Variants in KALRN observed in about 807,000 individuals in gnomAD.
KALRN encodes the protein kalirin.
Under a neutral mutation model 353.7 loss-of-function variants are expected in KALRN, and 70 were observed. The observed-to-expected ratio is 0.20, with a 90% CI of 0.16 to 0.24. The LOEUF is 0.24. Ranked by LOEUF, KALRN falls within the 10% of genes least tolerant of loss-of-function variation. The pLI is 1.00. For missense variants in KALRN, 2,791 were observed against 3,756.7 expected (o/e 0.74, Z 6.72); for synonymous variants, 1,391 against 1,434.8 (o/e 0.97, Z 0.69).
intron 1 of KALRN, among the ~76,000 whole-genome samples, chr3:124,065,632 TAAAAA>T (rs56298061): frequency 9.9e-5 from 13 of 131,690 alleles, no homozygotes; most frequent in Non-Finnish European, 1.4e-4. Context: ...ATTCCTTAGT[TAAAAA>T]AAAAAAAAAA....
chr3:124,563,258 A>G (rs1366726247), intron 34 of KALRN, among the ~76,000 whole-genome samples, 169 bp downstream of exon 34: 2 of 152,166 alleles, frequency 1.3e-5, no homozygotes, highest in South Asian at 2.1e-4. Context: ...CTTGGAGAGG[A>G]AGAGCTCCCG....
chr3:124,055,754 A>G (rs2149179394), intron 1 of KALRN, among the ~76,000 whole-genome samples: 1 of 152,294 alleles, frequency 6.6e-6, no homozygotes, highest in East Asian at 1.9e-4. Flanking sequence ...ATGGGATCTG[A>G]CTACAGAGAT....
chr3:124,277,954 T>C (rs1009961128), intron 5 of KALRN, among the ~76,000 whole-genome samples: 1 of 151,702 alleles, frequency 6.6e-6, no homozygotes, highest in Non-Finnish European at 1.5e-5. Context: ...TCTGCAGCAG[T>C]TGAGGTGAGC....
intron 11 of KALRN, among the ~76,000 whole-genome samples, chr3:124,392,402 C>G (rs1053045245): frequency 6.6e-6 from 1 of 152,074 alleles, no homozygotes; most frequent in Non-Finnish European, 1.5e-5. Context: ...TATTTGTAAT[C>G]TTTATCACAA....
intron 5 of KALRN, among the ~76,000 whole-genome samples, chr3:124,297,417 C>G (rs1403995006): frequency 6.6e-6 from 1 of 152,204 alleles, no homozygotes; most frequent in African/African-American, 2.4e-5. Flanking sequence ...CTTTTGCTGA[C>G]TTAGCCATTG....
chr3:124,310,620 T>C (rs777498763), intron 6 of KALRN, among the ~76,000 whole-genome samples: 4 of 152,198 alleles, frequency 2.6e-5, no homozygotes, highest in Non-Finnish European at 4.4e-5. Flanking sequence ...GTGTCTGTGG[T>C]CAACATATTT....
intron 57 of KALRN, among the ~76,000 whole-genome samples, chr3:124,702,385 A>C (rs2062383373): frequency 6.6e-6 from 1 of 152,198 alleles, no homozygotes; most frequent in South Asian, 2.1e-4. Context: ...AATTTTAGCT[A>C]TAGGTCCTGA....
At chr3:124,575,649 C>T (rs1247473393) in intron 34 of KALRN, among the ~76,000 whole-genome samples, 2 of 152,158 alleles carry the variant, frequency 1.3e-5, no homozygotes, top group African/African-American at 4.8e-5. Context: ...TTTTTGTAGG[C>T]TGTTAGGGAA....
chr3:124,294,832 G>T (rs1456339124), intron 5 of KALRN, among the ~76,000 whole-genome samples: 1 of 152,142 alleles, frequency 6.6e-6, no homozygotes, highest in African/African-American at 2.4e-5. Flanking sequence ...TGGAAAAAAT[G>T]CATTCTATAC....
rs2086904469 is a variant in KALRN, at chr3:124,674,387, G to A, written c.6966G>A (p.Gly2322=). Residue 2322 remains glycine (G), a synonymous_variant, in exon 49 of 60, where the codon GGG becomes GGA. Coordinates refer to ENST00000682506, the MANE Select transcript of KALRN (RefSeq NM_001388419.1). ...AGAACGACCTGGGAGGCTGCAATGG[G>A]ACCTCGTCCATGGCCGTGATCAAAG... ...ASKNDLGGCN[G]TSSMAVIKDY... is the part of the protein sequence containing the mutation. The A allele has an allele frequency of 6.2e-7, 1 of 1,613,586 alleles. No individual in the cohort carries two copies. The highest frequency in any genetic ancestry group is 8.5e-7 in the Non-Finnish European group (1 of 1,179,824).
intron 27 of KALRN, among the ~76,000 whole-genome samples, chr3:124,478,826 T>C (rs2061674786): frequency 6.6e-6 from 1 of 152,216 alleles, no homozygotes; most frequent in South Asian, 2.1e-4. Context: ...TCTGAGCATG[T>C]CTCAAACTCT....
intron 33 of KALRN, among the ~76,000 whole-genome samples, chr3:124,525,691 A>G (rs561430247): frequency 6.6e-6 from 1 of 152,360 alleles, no homozygotes; most frequent in South Asian, 2.1e-4. Context: ...GCTGGAAGTT[A>G]GCAATGAAAA....
intron 34 of KALRN, among the ~76,000 whole-genome samples, chr3:124,586,817 C>T (rs905191377): frequency 3.9e-5 from 6 of 152,140 alleles, no homozygotes; most frequent in African/African-American, 9.7e-5. Context: ...GAAAAACGGG[C>T]TCATCAGAGG....
intron 1 of KALRN, among the ~76,000 whole-genome samples, chr3:124,127,526 T>A (rs2064826931): frequency 6.6e-6 from 1 of 152,128 alleles, no homozygotes; most frequent in Non-Finnish European, 1.5e-5. Context: ...TATTACCCAC[T>A]TTTGACCACA....
At chr3:124,572,434 A>G (rs2073647179) in intron 34 of KALRN, among the ~76,000 whole-genome samples, 1 of 152,034 alleles carries the variant, frequency 6.6e-6, no homozygotes, top group Admixed American at 6.5e-5. Flanking sequence ...TTTTTCCTTA[A>G]AAGGGTACTG....
At chr3:124,514,364 CCCGATCTAATGGAAGAGATACAGG>C (rs1446428858) in intron 33 of KALRN, among the ~76,000 whole-genome samples, 3 of 152,088 alleles carry the variant, frequency 2.0e-5, no homozygotes, top group Non-Finnish European at 4.4e-5. Flanking sequence ...GAATTCCCCA[CCCGATCTAATGGAAGAGATACAGG>C]CCTTTCCCTA....
At chr3:124,073,423 T>C (rs1470403856) in intron 1 of KALRN, among the ~76,000 whole-genome samples, 1 of 152,188 alleles carries the variant, frequency 6.6e-6, no homozygotes, top group Non-Finnish European at 1.5e-5. Context: ...CACAATTTGT[T>C]AAGCAATATA....
At chr3:124,038,235 G>C (rs187490858) in intron 1 of KALRN, among the ~76,000 whole-genome samples, 1 of 152,290 alleles carries the variant, frequency 6.6e-6, no homozygotes, top group Non-Finnish European at 1.5e-5. Flanking sequence ...TGAGCAGGAG[G>C]AGTGCTGGGG....
chr3:124,651,076 A>G (rs1208293310), intron 38 of KALRN, 138 bp downstream of exon 38: 1 of 1,016,666 alleles, frequency 9.8e-7, no homozygotes, highest in East Asian at 2.6e-5. Flanking sequence ...AGATCTGTAC[A>G]GCATAGCACT....
Sources: gnomAD v4.1 joint callset for allele counts (sites outside exome capture counted in the v4.1 genomes callset) on GRCh38, gnomAD v4.1.1 for gene constraint, MANE v1.5 for transcripts, NCBI Gene and HGNC (gene_info 2026-07-23, HGNC 2026-07-21) for gene names.